The following MCM6 variants were observed in gnomAD, a reference collection of about 807,000 sequenced individuals.
The protein encoded by MCM6 is DNA replication licensing factor MCM6.
A neutral mutation model predicts 94.3 loss-of-function variants in MCM6; 46 were observed. The ratio of observed to expected loss-of-function variants is 0.49; its 90% CI spans 0.39 to 0.62. MCM6 has a LOEUF of 0.62. MCM6 is among the 20% of genes least tolerant of loss of function. The pLI is 0.00. For missense variants in MCM6, 865 were observed against 1,017.9 expected (o/e 0.85, Z 2.04); for synonymous variants, 335 against 351.9 (o/e 0.95, Z 0.54).
intron 14 of MCM6, 75 bp from the exon 15 acceptor site, chr2:135,846,467 C>T: frequency 8.7e-7 from 1 of 1,144,682 alleles, no homozygotes; most frequent in South Asian, 1.3e-5. Context: ...TACAAATACA[C>T]TACTTACATT....
At chr2:135,864,476 T>C (rs4988183) in intron 7 of MCM6, among the ~76,000 whole-genome samples, 52,810 of 151,558 alleles carry the variant, frequency 0.35, 10,320 homozygotes, top group Middle Eastern at 0.7. Flanking sequence ...CTAAAACACA[T>C]ACACACACAC....
intron 16 of MCM6, among the ~76,000 whole-genome samples, chr2:135,841,705 C>A (rs1423719230): frequency 1.3e-5 from 2 of 152,216 alleles, no homozygotes; most frequent in Admixed American, 1.3e-4. Context: ...CAAGCACTCA[C>A]TCTATGTGTT....
intron 14 of MCM6, among the ~76,000 whole-genome samples, chr2:135,847,036 A>T (rs994828153): frequency 2.0e-5 from 3 of 152,100 alleles, no homozygotes; most frequent in African/African-American, 7.2e-5. Context: ...ACAAACAAAA[A>T]AAAACATGCA....
Position 135,846,386 on chromosome 2 carries a change from G to C in MCM6, c.2060C>G (p.Ala687Gly), listed in dbSNP as rs1262661058. 1 of 1,613,956 alleles carries C rather than the reference G, an allele frequency of 6.2e-7. No homozygotes were observed. The highest frequency in any genetic ancestry group is 8.5e-7 in the Non-Finnish European group (1 of 1,179,866). Residue 687 changes from alanine to glycine, a missense_variant, in exon 15 of 17, where the codon GCT (alanine) becomes GGT (glycine). This residue lies in a region of MCM6 where 308 missense variants were observed against 324.5 expected (regional missense o/e 0.95). Transcript: ENST00000264156. Reference protein sequence around the residue: ...DEGAGGINGHADSPAPVNGIN... With the variant: ...DEGAGGINGHGDSPAPVNGIN... ...CCCGTTCACAGGAGCAGGGCTGTCA[G>C]CATGACCTAAGTGAAAAATTGACCA... is the stretch of plus-strand genomic sequence containing the variant.
At chr2:135,841,722 C>T (rs1000730953) in intron 16 of MCM6, among the ~76,000 whole-genome samples, 5 of 152,212 alleles carry the variant, frequency 3.3e-5, no homozygotes, top group Non-Finnish European at 5.9e-5. Flanking sequence ...TGTTAACATA[C>T]CTTCATAGGA....
chr2:135,865,134 T>C lies in MCM6; in HGVS notation c.957A>G (p.Glu319=), dbSNP rs201902619. ...GGTTCTTAATGCTCTCAGCTGTCTG[T>C]TCCTCATCTCTGAGCTCTTTCCCCC... ...RFGGKELRDE[E]QTAESIKNQM... is the part of the protein sequence containing the mutation. The change falls in exon 7 of 17, where the codon GAA becomes GAG. Residue 319 remains glutamate (E), a synonymous_variant. Transcript: ENST00000264156. 3.5e-5 allele frequency: 55 copies of C among 1,563,458 alleles called. No individual in the cohort carries two copies. Among genetic ancestry groups the C allele is most frequent in the Non-Finnish European group, 4.3e-5 (50 of 1,156,838 alleles).
At position 135,844,631 on chromosome 2, in the gene MCM6, C is replaced by T; in HGVS notation, c.2263G>A (p.Glu755Lys). 6.3e-7 allele frequency: 1 copy of T among 1,590,954 alleles called. No individual in the cohort carries two copies. The highest frequency in any genetic ancestry group is 8.5e-7 in the Non-Finnish European group (1 of 1,170,808). ...TCAGAGTCTATCTCTGATTCGATTTCCTTCAAGTACCAGTTAACAAGCTCG... is the reference window on the plus strand; with the variant it reads ...TCAGAGTCTATCTCTGATTCGATTTTCTTCAAGTACCAGTTAACAAGCTCG... ...RSELVNWYLK[E>K]IESEIDSEEE... The change falls in exon 16 of 17, where the codon GAA becomes AAA. Residue 755 changes from glutamate (E) to lysine (K), a missense_variant. By Grantham distance (56) the Glu-to-Lys change is moderately conservative (BLOSUM62 1). Coordinates refer to ENST00000264156, the MANE Select transcript of MCM6 (RefSeq NM_005915.6).
At chr2:135,870,984 C>A (rs970565640) in intron 2 of MCM6, among the ~76,000 whole-genome samples, 2 of 152,070 alleles carry the variant, frequency 1.3e-5, no homozygotes, top group South Asian at 4.1e-4. Flanking sequence ...AACTCCTGGG[C>A]TCAAGTGATC....
At chr2:135,842,273 C>A (rs1679587250) in intron 16 of MCM6, among the ~76,000 whole-genome samples, 1 of 152,128 alleles carries the variant, frequency 6.6e-6, no homozygotes, top group African/African-American at 2.4e-5. Flanking sequence ...CAACTCTGGA[C>A]CCTGATCTGA....
chr2:135,844,541 C>T lies in MCM6; in HGVS notation c.2349+4G>A. ...TACCAGAGCACGCGCACTTCTGCAC[C>T]TACATAGTGTGTGAGTCGATGAATA... On this transcript the variant is annotated splice_donor_region_variant and intron_variant, in intron 16 of 16. Coordinates refer to ENST00000264156, the MANE Select transcript of MCM6 (RefSeq NM_005915.6). 6.4e-7 allele frequency: 1 copy of T among 1,551,660 alleles called. No individual in the cohort carries two copies. Among genetic ancestry groups the T allele is most frequent in the Non-Finnish European group, 8.7e-7 (1 of 1,151,526 alleles).
chr2:135,865,986 C>T, intron 6 of MCM6, 146 bp downstream of exon 6: 1 of 931,294 alleles, frequency 1.1e-6, no homozygotes, highest in Non-Finnish European at 1.6e-6. Flanking sequence ...CCTATAATCC[C>T]AGCTACTCAG....
chr2:135,849,915 T>C (rs1316287705), intron 13 of MCM6, among the ~76,000 whole-genome samples: 4 of 152,168 alleles, frequency 2.6e-5, no homozygotes, highest in Non-Finnish European at 4.4e-5. Context: ...CTCTTAAATA[T>C]ATGCAGATAC....
At chr2:135,865,208 CAA>C (rs1422949600) in intron 6 of MCM6, 45 bp from the exon 7 acceptor site, 3 of 1,262,376 alleles carry the variant, frequency 2.4e-6, no homozygotes, top group Non-Finnish European at 3.1e-6. Context: ...TAGAAGCAGT[CAA>C]AAGAGCATAA....
intron 1 of MCM6, among the ~76,000 whole-genome samples, chr2:135,875,118 C>G (rs895713576): frequency 2.0e-5 from 3 of 152,148 alleles, no homozygotes; most frequent in African/African-American, 7.2e-5. Flanking sequence ...CGCCTGTAAT[C>G]ACTTTGGGAA....
At position 135,866,744 on chromosome 2, in the gene MCM6, A is replaced by ACAAC. The variant is rs760329596; in HGVS notation, c.616-20_616-17dup. The ACAAC allele has an allele frequency of 1.3e-6, 2 of 1,578,630 alleles. No individual in the cohort carries two copies. The highest frequency in any genetic ancestry group is 1.7e-6 in the Non-Finnish European group (2 of 1,166,242). ...GAATACGAACCTGTAATACAGACAA[A>ACAAC]CAACCAACCAAGAATGAGAAGCAAT... On this transcript the variant is annotated splice_polypyrimidine_tract_variant and intron_variant, in intron 4 of 16. Coordinates refer to ENST00000264156, the MANE Select transcript of MCM6 (RefSeq NM_005915.6).
In MCM6 at chr2:135,872,825, T is replaced by C. The variant is rs746915936; in HGVS notation, c.126A>G (p.Gly42=). ...CTGCTAATTGCAAGTATTTAATTTCTCCATCGCTGCTCTGAAACCTGCAGG... is the reference window on the plus strand; with the variant it reads ...CTGCTAATTGCAAGTATTTAATTTCCCCATCGCTGCTCTGAAACCTGCAGG... ...DFLEEFQSSD[G]EIKYLQLAEE... The change falls in exon 2 of 17, where the codon GGA becomes GGG. Residue 42 remains glycine (G), a synonymous_variant. Coordinates refer to ENST00000264156, the MANE Select transcript of MCM6 (RefSeq NM_005915.6). 4 of 1,614,132 alleles carry C rather than the reference T, an allele frequency of 2.5e-6. No individual in the cohort carries two copies. The Admixed American group carries it at 6.7e-5, about 27-fold the overall frequency.
At chr2:135,858,849 A>G (rs1369529951) in intron 9 of MCM6, among the ~76,000 whole-genome samples, 1 of 152,062 alleles carries the variant, frequency 6.6e-6, no homozygotes, top group Non-Finnish European at 1.5e-5. Flanking sequence ...TAAATTCTAG[A>G]TGAAGAAAAC....
chr2:135,872,269 C>A lies in MCM6; in HGVS notation c.254+428G>T, dbSNP rs190183977. Among the ~76,000 whole-genome samples the A allele has an allele frequency of 3.1e-3, 466 of 152,170 alleles. 3 individuals carry two copies. Among genetic ancestry groups the A allele is most frequent in the South Asian group, 0.02 (94 of 4,808 alleles). On this transcript the variant is annotated intron_variant, in intron 2 of 16. Transcript: ENST00000264156. ...GAGACCAGCCTGACCAACATGGTGA[C>A]ACCCCGTCTCTATTAAAAAATGTAA...
At position 135,851,257 on chromosome 2, in the gene MCM6, G is replaced by A. The variant is rs954720934; in HGVS notation, c.1917+145C>T. On this transcript the variant is annotated intron_variant, in intron 13 of 16. Coordinates refer to ENST00000264156, the MANE Select transcript of MCM6 (RefSeq NM_005915.6). ...CAAATGCTTACCAAGCTCTTTAAAG[G>A]GAAGAATTCCATGGTCGTATGAGCA... 41 of 614,676 alleles carry A rather than the reference G, an allele frequency of 6.7e-5. No homozygotes were observed. The African/African-American group carries it at 7.1e-4, about 11-fold the overall frequency. The allele number at this position is 614,676 out of a possible 1,614,324, so 38.1% of individuals were successfully genotyped here. A position where few individuals can be genotyped will look rare whatever the true frequency, so the allele number is the denominator to read the frequency against.
Sources: gnomAD v4.1 joint callset for allele counts (sites outside exome capture counted in the v4.1 genomes callset) on GRCh38, gnomAD v4.1.1 for gene constraint, gnomAD v4.1.1 regional missense constraint, MANE v1.5 for transcripts, NCBI Gene and HGNC (gene_info 2026-07-23, HGNC 2026-07-21) for gene names.